Variants in TSHZ2 observed in about 807,000 individuals in gnomAD.
The protein encoded by TSHZ2 is teashirt homolog 2.
In TSHZ2, 21 loss-of-function variants were observed where a neutral mutation model predicts 74.4. The ratio of observed to expected loss-of-function variants is 0.28; its 90% CI spans 0.20 to 0.41. The LOEUF (loss-of-function observed/expected upper bound fraction) is 0.41. Ranked by LOEUF, TSHZ2 falls within the 10% of genes least tolerant of loss-of-function variation. TSHZ2 has a pLI of 1.00. For missense variants in TSHZ2, 1,244 were observed against 1,293.5 expected, an observed-to-expected ratio of 0.96 and a Z score of 0.59; for synonymous variants, 540 against 515.3, an observed-to-expected ratio of 1.05 and a Z score of -0.65.
chr20:53,265,611 C>T (rs1413873011), intron 2 of TSHZ2, among the ~76,000 whole-genome samples: 3 of 152,210 alleles, frequency 2.0e-5, no homozygotes, highest in Non-Finnish European at 4.4e-5. Flanking sequence ...CTCCCTGGCT[C>T]CCTCGGGGAA....
chr20:53,200,689 G>T (rs952057750), intron 1 of TSHZ2, among the ~76,000 whole-genome samples: 6 of 151,946 alleles, frequency 3.9e-5, no homozygotes, highest in Non-Finnish European at 8.8e-5. Flanking sequence ...TCCTGTTCTG[G>T]TTTTGGCTTC....
intron 2 of TSHZ2, among the ~76,000 whole-genome samples, chr20:53,446,327 G>A (rs1305066153): frequency 6.6e-6 from 1 of 151,604 alleles, no homozygotes; most frequent in East Asian, 1.9e-4. Flanking sequence ...ACTTTGGGAG[G>A]CCGAGGCGGG....
intron 2 of TSHZ2, among the ~76,000 whole-genome samples, chr20:53,363,645 G>T (rs1275731841): frequency 2.0e-5 from 3 of 152,192 alleles, no homozygotes; most frequent in Non-Finnish European, 2.9e-5. Flanking sequence ...GGAAAGTCAT[G>T]CAGATAGAAA....
intron 1 of TSHZ2, among the ~76,000 whole-genome samples, chr20:53,049,379 G>A (rs1056549932): frequency 4.0e-5 from 6 of 151,104 alleles, no homozygotes; most frequent in Non-Finnish European, 8.8e-5. Flanking sequence ...CACCCCTCCC[G>A]TCTTCATGGT....
At chr20:53,473,133 CT>C (rs1431059776) in intron 2 of TSHZ2, among the ~76,000 whole-genome samples, 1 of 147,094 alleles carries the variant, frequency 6.8e-6, no homozygotes, top group Non-Finnish European at 1.5e-5. Context: ...AGCCGGGAAG[CT>C]CCAACTGGGC....
intron 1 of TSHZ2, among the ~76,000 whole-genome samples, chr20:52,984,828 G>A (rs565937529): frequency 6.6e-6 from 1 of 152,200 alleles, no homozygotes; most frequent in African/African-American, 2.4e-5. Context: ...GGTCCGGGGA[G>A]AGACCACAAG....
intron 1 of TSHZ2, among the ~76,000 whole-genome samples, chr20:53,090,645 G>T (rs1412694313): frequency 1.3e-5 from 2 of 152,194 alleles, no homozygotes; most frequent in East Asian, 3.9e-4. Context: ...CAGCTTGCTT[G>T]CAAGGGTCTC....
At chr20:53,452,688 T>C (rs1243943363) in intron 2 of TSHZ2, among the ~76,000 whole-genome samples, 4 of 151,382 alleles carry the variant, frequency 2.6e-5, no homozygotes, top group African/African-American at 9.7e-5. Context: ...CAAAATGGGG[T>C]TATATATCAA....
chr20:53,004,776 A>G (rs1249308291), intron 1 of TSHZ2, among the ~76,000 whole-genome samples: 1 of 152,206 alleles, frequency 6.6e-6, no homozygotes, highest in African/African-American at 2.4e-5. Context: ...GTGGTTCAAT[A>G]TAATAATAAA....
intron 2 of TSHZ2, among the ~76,000 whole-genome samples, chr20:53,314,704 C>A (rs937466877): frequency 2.6e-5 from 4 of 150,976 alleles, no homozygotes; most frequent in Non-Finnish European, 5.9e-5. Context: ...TCATTGCCAC[C>A]TTCCCCTCCC....
intron 1 of TSHZ2, among the ~76,000 whole-genome samples, chr20:53,217,691 T>C (rs947529182): frequency 2.0e-5 from 3 of 152,104 alleles, no homozygotes; most frequent in Non-Finnish European, 4.4e-5. Context: ...CATCTATCCT[T>C]AAGTGTGAAA....
At chr20:53,138,988 C>G (rs1987321426) in intron 1 of TSHZ2, among the ~76,000 whole-genome samples, 1 of 152,236 alleles carries the variant, frequency 6.6e-6, no homozygotes, top group South Asian at 2.1e-4. Context: ...CACAACTAAT[C>G]TGACAAAAGG....
chr20:52,975,668 A>C (rs1981306703), intron 1 of TSHZ2, among the ~76,000 whole-genome samples: 1 of 152,066 alleles, frequency 6.6e-6, no homozygotes, highest in South Asian at 2.1e-4. Context: ...AAAAAGGATG[A>C]TTCATTTCGT....
chr20:53,132,103 G>C (rs1380368820), intron 1 of TSHZ2, among the ~76,000 whole-genome samples: 1 of 152,004 alleles, frequency 6.6e-6, no homozygotes, highest in Admixed American at 6.6e-5. Context: ...CTTTGAAAAT[G>C]TAATGATCAA....
chr20:53,045,745 G>A (rs1275946972), intron 1 of TSHZ2, among the ~76,000 whole-genome samples: 1 of 152,294 alleles, frequency 6.6e-6, no homozygotes, highest in African/African-American at 2.4e-5. Flanking sequence ...CTCTACCTAT[G>A]GGTAGTAATC....
rs149724132 is a variant in TSHZ2, at chr20:53,254,009, G to T, written c.551G>T (p.Arg184Leu). The T allele has an allele frequency of 3.1e-6, 5 of 1,614,116 alleles. No homozygotes were observed. Among genetic ancestry groups the T allele is most frequent in the Non-Finnish European group, 2.5e-6 (3 of 1,180,018 alleles). The part of the protein sequence containing the change: ...SKSLQQNLPS[R>L]SVSKPSLFSS... Reference sequence around the variant, plus strand: ...AGCCTGCAGCAGAACTTGCCTTCTCGGTCCGTCTCGAAACCCAGCCTGTTC... The same window carrying T: ...AGCCTGCAGCAGAACTTGCCTTCTCTGTCCGTCTCGAAACCCAGCCTGTTC... Residue 184 changes from arginine to leucine, a missense_variant, in exon 2 of 3, where the codon CGG becomes CTG. Transcript: ENST00000371497.
At chr20:53,299,742 A>T (rs1011832246) in intron 2 of TSHZ2, among the ~76,000 whole-genome samples, 3 of 152,330 alleles carry the variant, frequency 2.0e-5, no homozygotes, top group African/African-American at 7.2e-5. Context: ...TTGCTGGTGA[A>T]CACCTAAGAA....
At chr20:53,437,271 A>G (rs918104813) in intron 2 of TSHZ2, among the ~76,000 whole-genome samples, 1 of 152,058 alleles carries the variant, frequency 6.6e-6, no homozygotes, top group South Asian at 2.1e-4. Flanking sequence ...TCAGGAGTTC[A>G]AGACCAGCCT....
intron 1 of TSHZ2, among the ~76,000 whole-genome samples, chr20:53,027,147 T>C (rs187565075): frequency 4.9e-4 from 74 of 152,296 alleles, no homozygotes; most frequent in Non-Finnish European, 9.4e-4. Flanking sequence ...TTTGAATACA[T>C]CTATGATTAT....
Sources: gnomAD v4.1 joint callset for allele counts (sites outside exome capture counted in the v4.1 genomes callset) on GRCh38, gnomAD v4.1.1 for gene constraint, MANE v1.5 for transcripts, NCBI Gene and HGNC (gene_info 2026-07-23, HGNC 2026-07-21) for gene names.